LNX1: variants seen among roughly 807,000 people sequenced by gnomAD.
LNX1 encodes the protein E3 ubiquitin-protein ligase LNX.
In LNX1, 54 loss-of-function variants were observed where a neutral mutation model predicts 68.4. That is an observed-to-expected ratio of 0.79 (90% confidence interval 0.63 to 0.99). The LOEUF (loss-of-function observed/expected upper bound fraction) is 0.99. Ranked by LOEUF, LNX1 falls within the 50% of genes least tolerant of loss-of-function variation. The pLI, the probability that LNX1 is intolerant of heterozygous loss-of-function variation, is 0.00. For missense variants in LNX1, 906 were observed against 926.4 expected (o/e 0.98, Z 0.29); for synonymous variants, 336 against 350.0 (o/e 0.96, Z 0.45).
intron 7 of LNX1, 147 bp downstream of exon 7, chr4:53,481,573 T>A: frequency 2.2e-6 from 2 of 900,182 alleles, no homozygotes; most frequent in Non-Finnish European, 3.2e-6. Context: ...AAGTCTTAAA[T>A]ATGGGACTTT....
chr4:53,459,647 T>G lies in LNX1; in HGVS notation c.*1260A>C, dbSNP rs1240776339. 4.2e-5 allele frequency: 29 copies of G among 698,156 alleles called. No homozygotes were observed. Among genetic ancestry groups the G allele is most frequent in the Admixed American group, 1.2e-4 (4 of 33,268 alleles). The allele number at this position is 698,156 out of a possible 1,614,324, so 43.2% of individuals were successfully genotyped here. A position where few individuals can be genotyped will look rare whatever the true frequency, so the allele number is the denominator to read the frequency against. ...TCTTTGTCTTGTACTATTTCAAAAATAAAAAGACAGCAATGACTTTATATC... is the reference window on the plus strand; with the variant it reads ...TCTTTGTCTTGTACTATTTCAAAAAGAAAAAGACAGCAATGACTTTATATC... On this transcript the variant is annotated 3_prime_UTR_variant, in exon 11 of 11. Transcript: ENST00000263925.
intron 5 of LNX1, among the ~76,000 whole-genome samples, chr4:53,496,767 A>T (rs1245650847): frequency 6.6e-6 from 1 of 152,242 alleles, no homozygotes; most frequent in Non-Finnish European, 1.5e-5. Flanking sequence ...CATTTGCCTC[A>T]GTCAAATGAT....
At chr4:53,627,352 A>G (rs555720484) in intron 1 of LNX1, among the ~76,000 whole-genome samples, 57 of 152,354 alleles carry the variant, frequency 3.7e-4, no homozygotes, top group African/African-American at 1.4e-3. Context: ...CTACTCATTA[A>G]CATTTGTAAG....
chr4:53,567,167 T>G (rs1308839900), intron 2 of LNX1, among the ~76,000 whole-genome samples: 2 of 142,930 alleles, frequency 1.4e-5, no homozygotes, highest in Non-Finnish European at 3.0e-5. Flanking sequence ...TACAGAACTC[T>G]CCACCCCAAA....
intron 6 of LNX1, among the ~76,000 whole-genome samples, chr4:53,485,276 T>C (rs541213581): frequency 1.8e-4 from 28 of 152,338 alleles, no homozygotes; most frequent in African/African-American, 4.1e-4. Flanking sequence ...TCCGATGTTT[T>C]GAAGGATCCC....
intron 5 of LNX1, among the ~76,000 whole-genome samples, chr4:53,497,228 C>G (rs1321463163): frequency 1.3e-5 from 2 of 152,158 alleles, no homozygotes; most frequent in African/African-American, 4.8e-5. Context: ...ATTTCTCTGG[C>G]TACACAGGCC....
chr4:53,529,052 C>T (rs970250716), intron 2 of LNX1, among the ~76,000 whole-genome samples: 7 of 148,532 alleles, frequency 4.7e-5, no homozygotes, highest in Non-Finnish European at 1.0e-4. Flanking sequence ...GTTCATGAAC[C>T]ATTCTGGTCT....
At chr4:53,556,012 G>A (rs1405962101) in intron 2 of LNX1, among the ~76,000 whole-genome samples, 1 of 152,222 alleles carries the variant, frequency 6.6e-6, no homozygotes, top group Non-Finnish European at 1.5e-5. Context: ...AGTCAGTGGA[G>A]TGGTGGCCCC....
chr4:53,574,540 C>T (rs1350699772), intron 1 of LNX1, among the ~76,000 whole-genome samples: 2 of 152,132 alleles, frequency 1.3e-5, no homozygotes, highest in Non-Finnish European at 2.9e-5. Context: ...AGTAGGAGAT[C>T]AGAGCTTTCA....
At chr4:53,636,892 G>C (rs963442638) in intron 1 of LNX1, among the ~76,000 whole-genome samples, 10 of 151,664 alleles carry the variant, frequency 6.6e-5, no homozygotes, top group Non-Finnish European at 1.2e-4. Flanking sequence ...TAAAACATCT[G>C]TTTGGAGTGA....
chr4:53,516,535 T>A (rs1726798289), intron 2 of LNX1, among the ~76,000 whole-genome samples: 1 of 152,040 alleles, frequency 6.6e-6, no homozygotes, highest in Non-Finnish European at 1.5e-5. Flanking sequence ...AGAGATGAAA[T>A]CTGAGCTGAG....
At chr4:53,617,108 T>G (rs1045517449) in intron 1 of LNX1, 1 of 152,272 alleles carries the variant, frequency 6.6e-6, no homozygotes, top group Admixed American at 6.5e-5. Context: ...AAGCAGCATA[T>G]AAGAATCTTG....
chr4:53,475,639 C>T (rs564114824), intron 9 of LNX1, among the ~76,000 whole-genome samples: 1 of 152,290 alleles, frequency 6.6e-6, no homozygotes, highest in African/African-American at 2.4e-5. Flanking sequence ...TAATATTTAG[C>T]ATTATTCACA....
intron 2 of LNX1, among the ~76,000 whole-genome samples, chr4:53,571,478 C>T (rs1326332275): frequency 4.6e-5 from 7 of 152,034 alleles, no homozygotes; most frequent in African/African-American, 9.6e-5. Context: ...AGATGCTATG[C>T]GGCTGGCTCT....
intron 6 of LNX1, among the ~76,000 whole-genome samples, chr4:53,484,458 G>A (rs1724152117): frequency 6.6e-6 from 1 of 152,002 alleles, no homozygotes; most frequent in African/African-American, 2.4e-5. Context: ...AGCTACTCGG[G>A]AGGCTGCAGG....
At chr4:53,497,783 G>GA (rs1725177269) in intron 5 of LNX1, among the ~76,000 whole-genome samples, 1 of 152,198 alleles carries the variant, frequency 6.6e-6, no homozygotes, top group South Asian at 2.1e-4. Flanking sequence ...AGGCCAGCAG[G>GA]AATTTCAGTA....
chr4:53,612,849 C>A (rs1038023558), intron 2 of LNX1, among the ~76,000 whole-genome samples: 1 of 151,646 alleles, frequency 6.6e-6, no homozygotes, highest in Non-Finnish European at 1.5e-5. Flanking sequence ...CGTATCACTG[C>A]ACTCCAGCCT....
intron 1 of LNX1, among the ~76,000 whole-genome samples, chr4:53,625,844 C>CGTGTGTAT (rs1734054115): frequency 5.5e-5 from 8 of 144,166 alleles, no homozygotes; most frequent in African/African-American, 2.1e-4. Context: ...AATTCCACCC[C>CGTGTGTAT]GTGTGTGTGT....
chr4:53,584,042 C>T (rs1732001441), intron 1 of LNX1, among the ~76,000 whole-genome samples: 1 of 152,116 alleles, frequency 6.6e-6, no homozygotes, highest in African/African-American at 2.4e-5. Flanking sequence ...CACCAAGGAT[C>T]CCGGGAAGAG....
Sources: allele counts gnomAD v4.1 joint callset (sites outside exome capture counted in the v4.1 genomes callset), GRCh38; gene constraint gnomAD v4.1.1; transcripts MANE v1.5; gene names NCBI Gene and HGNC (gene_info 2026-07-23, HGNC 2026-07-21).